ARVCF: variants seen among roughly 807,000 people sequenced by gnomAD.
ARVCF encodes the protein ARVCF delta catenin family member.
Under a neutral mutation model 90.9 loss-of-function variants are expected in ARVCF, and 66 were observed. That is an observed-to-expected ratio of 0.73 (90% confidence interval 0.60 to 0.89). ARVCF has a LOEUF of 0.89. Ranked by LOEUF, ARVCF falls within the 40% of genes least tolerant of loss-of-function variation. The pLI is 0.00. For synonymous variants in ARVCF, 653 were observed against 603.4 expected, an observed-to-expected ratio of 1.08 and a Z score of -1.21; for missense variants, 1,469 against 1,382.3, an observed-to-expected ratio of 1.06 and a Z score of -1.00.
intron 2 of ARVCF, among the ~76,000 whole-genome samples, chr22:19,993,439 G>GCA (rs2146395536): frequency 6.6e-6 from 1 of 152,366 alleles, no homozygotes; most frequent in South Asian, 2.1e-4. Context: ...TGGGGCCTGA[G>GCA]TGGATGCTGG....
At chr22:20,004,102 A>T (rs1944536064) in intron 2 of ARVCF, among the ~76,000 whole-genome samples, 1 of 152,184 alleles carries the variant, frequency 6.6e-6, no homozygotes, top group African/African-American at 2.4e-5. Flanking sequence ...AGGGAAATTT[A>T]AAAAAACTAT....
At chr22:20,010,811 A>G (rs1944799312) in intron 1 of ARVCF, among the ~76,000 whole-genome samples, 1 of 152,138 alleles carries the variant, frequency 6.6e-6, no homozygotes, top group Non-Finnish European at 1.5e-5. Context: ...CTTCCCCATC[A>G]CACACAGCAC....
chr22:20,012,086 C>G (rs956736867), intron 1 of ARVCF, among the ~76,000 whole-genome samples: 2 of 127,126 alleles, frequency 1.6e-5, no homozygotes, highest in African/African-American at 2.9e-5. Flanking sequence ...AAGTCCCCCC[C>G]CCCCACCCAG....
intron 3 of ARVCF, among the ~76,000 whole-genome samples, chr22:19,988,089 G>A (rs979312690): frequency 2.0e-5 from 3 of 152,122 alleles, no homozygotes; most frequent in Non-Finnish European, 2.9e-5. Context: ...GAAAGGGCTC[G>A]GGCCCAGGCC....
chr22:19,999,341 G>A (rs190180165), intron 2 of ARVCF, among the ~76,000 whole-genome samples: 1 of 152,310 alleles, frequency 6.6e-6, no homozygotes, highest in African/African-American at 2.4e-5. Flanking sequence ...GCCCCCTGCG[G>A]CAGCACGAGG....
chr22:19,978,003 C>A lies in ARVCF; in HGVS notation c.1653G>T (p.Leu551=). The A allele has an allele frequency of 6.2e-7, 1 of 1,611,930 alleles. No individual in the cohort carries two copies. Among genetic ancestry groups the A allele is most frequent in the Non-Finnish European group, 8.5e-7 (1 of 1,179,482 alleles). Residue 551 remains leucine, a synonymous_variant, in exon 8 of 20, where the codon CTG becomes CTT. Transcript: ENST00000263207. ...RECEGLVDAL[L]HALQSAVGRK... Reference sequence around the variant, plus strand: ...GGCCCACAGCCGACTGCAGGGCATGCAGGAGCGCGTCCACCAGCCCTTCAC... The same window carrying A: ...GGCCCACAGCCGACTGCAGGGCATGAAGGAGCGCGTCCACCAGCCCTTCAC...
intron 3 of ARVCF, chr22:19,987,072 C>A: frequency 1.6e-6 from 1 of 634,498 alleles, no homozygotes. Context: ...TTCCCTCCAA[C>A]CTGTCTGAGT....
chr22:19,970,581 G>A lies in ARVCF; in HGVS notation c.*175C>T, dbSNP rs1396894256. On this transcript the variant is annotated 3_prime_UTR_variant, in exon 20 of 20. Coordinates refer to ENST00000263207, the MANE Select transcript of ARVCF (RefSeq NM_001670.3). ...TAGGGAGTTAGGTAGGATGGGGGGAGTGGGGTGGGGGGGCAGGAGGGTGTC... is the reference window on the plus strand; with the variant it reads ...TAGGGAGTTAGGTAGGATGGGGGGAATGGGGTGGGGGGGCAGGAGGGTGTC... 2 of 1,227,696 alleles carry A rather than the reference G, an allele frequency of 1.6e-6. No individual in the cohort carries two copies. The highest frequency in any genetic ancestry group is 3.2e-5 in the African/African-American group (2 of 62,790). The allele number at this position is 1,227,696 out of a possible 1,614,324, so 76.1% of individuals were successfully genotyped here. A position where few individuals can be genotyped will look rare whatever the true frequency, so the allele number is the denominator to read the frequency against.
intron 2 of ARVCF, among the ~76,000 whole-genome samples, chr22:20,001,602 G>A (rs927891473): frequency 1.3e-5 from 2 of 152,106 alleles, no homozygotes; most frequent in Non-Finnish European, 2.9e-5. Flanking sequence ...TTGGGAGTTC[G>A]AGACCTGCCT....
intron 2 of ARVCF, among the ~76,000 whole-genome samples, chr22:20,006,897 T>C (rs1483274957): frequency 2.0e-5 from 3 of 151,748 alleles, no homozygotes; most frequent in African/African-American, 4.8e-5. Context: ...CCCAAAGTGC[T>C]GGGATTACAA....
rs755805922 is a variant in ARVCF at position 19,981,750 on chromosome 22, T to C, written c.370-13A>G. 3.2e-6 allele frequency: 5 copies of C among 1,556,212 alleles called. No homozygotes were observed. The highest frequency in any genetic ancestry group is 4.4e-6 in the Non-Finnish European group (5 of 1,148,936). ...CAGTCTTGGTGACCTGGTGGATGGA[T>C]AGGCAGGTAGGTGGGGTAGCACGAG... On this transcript the variant is annotated splice_polypyrimidine_tract_variant and intron_variant, in intron 4 of 19. Transcript: ENST00000263207.
downstream of ARVCF, among the ~76,000 whole-genome samples, chr22:19,966,161 T>C (rs9332369): frequency 6.6e-6 from 1 of 152,200 alleles, no homozygotes; most frequent in African/African-American, 2.4e-5. Flanking sequence ...TGGGAAGTCA[T>C]GAATTGGGAA....
At position 19,972,966 on chromosome 22, in the gene ARVCF, C is replaced by G; in HGVS notation, c.2509G>C (p.Gly837Arg). The change falls in exon 15 of 20, where the codon GGT (glycine) becomes CGT (arginine). Residue 837 changes from glycine (G) to arginine (R), a missense_variant. Coordinates refer to ENST00000263207, the MANE Select transcript of ARVCF (RefSeq NM_001670.3). The part of the protein sequence containing the change: ...QTVWSYKELR[G>R]TLQKDGWTKA... ...GTCCAACCATCTTTCTGCAAGGTAC[C>G]ACGCAGCTCCTTGTAGCTCCACACT... The G allele has an allele frequency of 1.2e-6, 2 of 1,613,800 alleles. No homozygotes were observed. Among genetic ancestry groups the G allele is most frequent in the South Asian group, 2.2e-5 (2 of 91,086 alleles).
chr22:19,997,540 C>T (rs889548599), intron 2 of ARVCF, among the ~76,000 whole-genome samples: 2 of 152,210 alleles, frequency 1.3e-5, no homozygotes, highest in Non-Finnish European at 2.9e-5. Flanking sequence ...CAATGCCCTT[C>T]CTGTGCCTGA....
chr22:19,979,624 A>G, intron 6 of ARVCF, 119 bp downstream of exon 6: 1 of 1,404,666 alleles, frequency 7.1e-7, no homozygotes, highest in South Asian at 1.4e-5. Context: ...CAGCAGCTGC[A>G]CTCCTGCCTA....
At chr22:20,015,586 A>T (rs1029506117) in intron 1 of ARVCF, among the ~76,000 whole-genome samples, 1 of 152,098 alleles carries the variant, frequency 6.6e-6, no homozygotes, top group African/African-American at 2.4e-5. Context: ...AGTAGTTAAG[A>T]AGTAGGAAGA....
At chr22:20,006,352 C>T (rs1314593351) in intron 2 of ARVCF, among the ~76,000 whole-genome samples, 8 of 151,346 alleles carry the variant, frequency 5.3e-5, no homozygotes, top group East Asian at 2.0e-4. Flanking sequence ...CCAAGGCGGG[C>T]GGATCACGAG....
chr22:19,981,695 G>A lies in ARVCF; in HGVS notation c.412C>T (p.Gln138Ter). Reference protein sequence around the residue: ...VKTVTTRTVRQVPVGPDGLPL... With the variant: ...VKTVTTRTVR ...AGTCCATCTGGGCCCACGGGCACCT[G>A]GCGTACTGTCCGAGTGGTCACCGTC... Residue 138 changes from glutamine (Q) to a stop codon, truncating the protein, a stop_gained, in exon 5 of 20, where the codon CAG becomes TAG. Coordinates refer to ENST00000263207, the MANE Select transcript of ARVCF (RefSeq NM_001670.3). LOFTEE classifies it high-confidence loss of function. 1.9e-6 allele frequency: 3 copies of A among 1,595,642 alleles called. No individual in the cohort carries two copies. The highest frequency in any genetic ancestry group is 2.6e-6 in the Non-Finnish European group (3 of 1,170,804).
chr22:19,988,852 G>A (rs1267495951), intron 3 of ARVCF, among the ~76,000 whole-genome samples: 1 of 151,862 alleles, frequency 6.6e-6, no homozygotes, highest in African/African-American at 2.4e-5. Context: ...AAAATCAAGG[G>A]TAGGGGGTCG....
Sources: gnomAD v4.1 joint callset for allele counts (sites outside exome capture counted in the v4.1 genomes callset) on GRCh38, gnomAD v4.1.1 for gene constraint, MANE v1.5 for transcripts, NCBI Gene and HGNC (gene_info 2026-07-23, HGNC 2026-07-21) for gene names.